Variants in TJP1 observed in about 807,000 individuals in gnomAD.
The protein encoded by TJP1 is tight junction protein ZO-1.
Under a neutral mutation model 194.2 loss-of-function variants are expected in TJP1, and 43 were observed. The observed-to-expected ratio is 0.22, with a 90% CI of 0.17 to 0.29. TJP1 has a LOEUF of 0.29. Among genes scored for constraint, TJP1 ranks in the 10% least tolerant of loss-of-function variants. TJP1 has a pLI of 1.00. For missense variants in TJP1, 1,971 were observed against 2,185.7 expected, an observed-to-expected ratio of 0.90 and a Z score of 1.96; for synonymous variants, 801 against 779.0, an observed-to-expected ratio of 1.03 and a Z score of -0.47.
At chr15:29,914,338 C>T (rs1226609824) in intron 2 of TJP1, among the ~76,000 whole-genome samples, 1 of 152,050 alleles carries the variant, frequency 6.6e-6, no homozygotes, top group Non-Finnish European at 1.5e-5. Flanking sequence ...ATAGAGCTCC[C>T]CTAATTGCTC....
At chr15:29,960,478 C>CA (rs995002972) in intron 1 of TJP1, among the ~76,000 whole-genome samples, 3 of 151,216 alleles carry the variant, frequency 2.0e-5, no homozygotes, top group Non-Finnish European at 4.4e-5. Flanking sequence ...ACAAAAAATA[C>CA]AAAAAAACTC....
chr15:29,735,812 G>C (rs2043994554), intron 11 of TJP1, among the ~76,000 whole-genome samples: 1 of 152,080 alleles, frequency 6.6e-6, no homozygotes, highest in Non-Finnish European at 1.5e-5. Flanking sequence ...AAATAGGTCT[G>C]AAGTCACCAT....
At chr15:29,885,559 T>C (rs1351306045) in intron 2 of TJP1, among the ~76,000 whole-genome samples, 1 of 152,250 alleles carries the variant, frequency 6.6e-6, no homozygotes, top group Non-Finnish European at 1.5e-5. Flanking sequence ...ACTGCCCTGC[T>C]AAGCTTTAAA....
chr15:29,924,218 G>A (rs2054455676), intron 2 of TJP1, among the ~76,000 whole-genome samples: 1 of 152,058 alleles, frequency 6.6e-6, no homozygotes, highest in African/African-American at 2.4e-5. Flanking sequence ...GAGACTACAG[G>A]CACACGCCAC....
At position 29,741,413 on chromosome 15, in the gene TJP1, C is replaced by A; in HGVS notation, c.1174G>T (p.Val392Phe). The A allele has an allele frequency of 6.2e-7, 1 of 1,605,622 alleles. No homozygotes were observed. The highest frequency in any genetic ancestry group is 1.3e-5 in the African/African-American group (1 of 74,290). The change falls in exon 10 of 28, where the codon GTT (valine) becomes TTT (phenylalanine). Residue 392 changes from valine to phenylalanine, a missense_variant. Coordinates refer to ENST00000614355, the MANE Select transcript of TJP1 (RefSeq NM_001330239.4). Reference sequence around the variant, plus strand: ...GGTAAATCCACATCTGGTTGCCCAACTTGGGCATACACAGGCTTTGGTTCT... The same window carrying A: ...GGTAAATCCACATCTGGTTGCCCAAATTGGGCATACACAGGCTTTGGTTCT... Reference protein sequence around the residue: ...LPEPKPVYAQVGQPDVDLPVS... With the variant: ...LPEPKPVYAQFGQPDVDLPVS...
chr15:29,736,422 G>T (rs146514532), intron 11 of TJP1, among the ~76,000 whole-genome samples: 1 of 152,328 alleles, frequency 6.6e-6, no homozygotes, highest in African/African-American at 2.4e-5. Context: ...CTGGCAAGAG[G>T]CAGGCTGAGT....
At chr15:29,883,284 C>T (rs2053003238) in intron 2 of TJP1, among the ~76,000 whole-genome samples, 1 of 139,838 alleles carries the variant, frequency 7.2e-6, no homozygotes, top group Non-Finnish European at 1.6e-5. Context: ...TCCTGCAGCC[C>T]TGGGACACTT....
At chr15:29,853,362 G>T (rs960775776) in intron 2 of TJP1, among the ~76,000 whole-genome samples, 1 of 152,184 alleles carries the variant, frequency 6.6e-6, no homozygotes, top group Non-Finnish European at 1.5e-5. Context: ...GTGAACCAAT[G>T]CAGGTGATAC....
intron 2 of TJP1, among the ~76,000 whole-genome samples, chr15:29,875,107 A>ACACACC (rs1447240012): frequency 6.6e-6 from 1 of 152,182 alleles, no homozygotes; most frequent in East Asian, 1.9e-4. Flanking sequence ...CCCACTCTCC[A>ACACACC]CACACCCACA....
intron 8 of TJP1, chr15:29,760,388 G>GTTTTTT: frequency 1.6e-6 from 1 of 620,460 alleles, no homozygotes; most frequent in Admixed American, 2.5e-5. Flanking sequence ...GTTTTGTTTT[G>GTTTTTT]TTTTTGAGAA....
intron 1 of TJP1, among the ~76,000 whole-genome samples, chr15:29,818,285 A>C (rs554248854): frequency 1.1e-3 from 162 of 152,342 alleles, no homozygotes; most frequent in Middle Eastern, 6.8e-3. Context: ...GAAGCCACTG[A>C]AACTTCCTTC....
rs186084416 is a variant in TJP1, at chr15:29,746,262, C to T, written c.1011-3481G>A. Among the ~76,000 whole-genome samples, 544 of 152,122 alleles carry T rather than the reference C, an allele frequency of 3.6e-3. 4 individuals are homozygous for T. The highest frequency in any genetic ancestry group is 0.01 in the Middle Eastern group (3 of 294). ...GCGTGGTGGCGGGAGCCTGCAGTCCCAGCTACTCTGGAGGCTGAGGCAGGA... is the reference window on the plus strand; with the variant it reads ...GCGTGGTGGCGGGAGCCTGCAGTCCTAGCTACTCTGGAGGCTGAGGCAGGA... On this transcript the variant is annotated intron_variant, in intron 8 of 27. Coordinates refer to ENST00000614355, the MANE Select transcript of TJP1 (RefSeq NM_001330239.4).
At chr15:29,851,066 C>T (rs138990734) in intron 2 of TJP1, among the ~76,000 whole-genome samples, 1,522 of 152,024 alleles carry the variant, frequency 0.01, 32 homozygotes, top group African/African-American at 0.035. Context: ...TGAATCCAGG[C>T]GGCAGAGGTT....
chr15:29,764,959 G>T (rs970155864), intron 5 of TJP1, among the ~76,000 whole-genome samples: 7 of 151,996 alleles, frequency 4.6e-5, no homozygotes, highest in Non-Finnish European at 1.0e-4. Context: ...GAAAAAAAAA[G>T]TTACCTTAAG....
intron 2 of TJP1, among the ~76,000 whole-genome samples, chr15:29,848,408 C>G (rs1304209643): frequency 6.6e-6 from 1 of 152,160 alleles, no homozygotes; most frequent in Non-Finnish European, 1.5e-5. Context: ...TGCATATGAA[C>G]ATTTATATTT....
intron 1 of TJP1, chr15:29,967,972 G>A (rs1371453354): frequency 1.3e-6 from 1 of 776,286 alleles, no homozygotes; most frequent in African/African-American, 1.9e-5. Flanking sequence ...TACCTAGGTG[G>A]CTCCTGGGAT....
At chr15:29,743,379 T>C (rs1347762658) in intron 8 of TJP1, among the ~76,000 whole-genome samples, 3 of 152,288 alleles carry the variant, frequency 2.0e-5, no homozygotes, top group African/African-American at 7.2e-5. Context: ...TTTAACTAAA[T>C]ACAAATGTTG....
At chr15:29,948,260 CAAAAA>C (rs35983966) in intron 2 of TJP1, among the ~76,000 whole-genome samples, 2 of 95,310 alleles carry the variant, frequency 2.1e-5, no homozygotes, top group Admixed American at 1.1e-4. Flanking sequence ...CACTCCATCA[CAAAAA>C]AAAAAAAAAA....
intron 15 of TJP1, 49 bp downstream of exon 15, chr15:29,732,384 T>C: frequency 6.7e-7 from 1 of 1,481,816 alleles, no homozygotes; most frequent in Non-Finnish European, 9.4e-7. Context: ...TCACTCACTT[T>C]AGAGGTGTAA....
Sources: gnomAD v4.1 joint callset for allele counts (sites outside exome capture counted in the v4.1 genomes callset) on GRCh38, gnomAD v4.1.1 for gene constraint, MANE v1.5 for transcripts, NCBI Gene and HGNC (gene_info 2026-07-23, HGNC 2026-07-21) for gene names.